The following ZNF449 variants were observed in gnomAD, a reference collection of about 807,000 sequenced individuals.
ZNF449 encodes zinc finger protein 449.
Under a neutral mutation model 32.6 loss-of-function variants are expected in ZNF449, and 4 were observed. The ratio of observed to expected loss-of-function variants is 0.12; its 90% CI spans 0.06 to 0.28. ZNF449 has a LOEUF of 0.28. ZNF449 is among the 10% of genes least tolerant of loss of function. The probability of loss-of-function intolerance (pLI) is 1.00; values close to 1 mark genes in which losing one functional copy is unlikely to be tolerated. For synonymous variants in ZNF449, 123 were observed against 132.2 expected (o/e 0.93, Z 0.48); for missense variants, 275 against 383.2 (o/e 0.72, Z 2.36).
Position 135,360,353 on chromosome X carries a change from G to A in ZNF449, c.834G>A (p.Glu278=), listed in dbSNP as rs782344054. Residue 278 remains glutamate, a synonymous_variant, in exon 5 of 5, where the codon GAG becomes GAA. Coordinates refer to ENST00000339249, the MANE Select transcript of ZNF449 (RefSeq NM_152695.6). ...AAAATCAATGGGAAACCCCCCCAGAGGATTTACAGACAGATTTAGCAAAAC... is the reference window on the plus strand; with the variant it reads ...AAAATCAATGGGAAACCCCCCCAGAAGATTTACAGACAGATTTAGCAAAAC... The part of the protein sequence containing the change: ...QLENQWETPP[E]DLQTDLAKLV... 2 of 1,209,233 alleles carry A rather than the reference G, an allele frequency of 1.7e-6. No homozygotes were observed. Among genetic ancestry groups the A allele is most frequent in the African/African-American group, 3.5e-5 (2 of 57,157 alleles).
intron 1 of ZNF449, among the ~76,000 whole-genome samples, chrX:135,346,523 A>T (rs2084849360): frequency 9.1e-6 from 1 of 109,650 alleles, no homozygotes; most frequent in African/African-American, 3.3e-5. Context: ...GAAACACATG[A>T]CAATTGGAAT....
At chrX:135,354,979 G>A (rs1397716910) in intron 3 of ZNF449, among the ~76,000 whole-genome samples, 1 of 110,855 alleles carries the variant, frequency 9.0e-6, no homozygotes, top group Non-Finnish European at 1.9e-5. Context: ...TGCTCTGTAA[G>A]ATGAGAATAG....
rs1556448716 is a variant in ZNF449 at position 135,347,417 on chromosome X, G to A, written c.299G>A (p.Arg100Lys). Residue 100 changes from arginine (R) to lysine (K), a missense_variant, in exon 2 of 5, where the codon AGA becomes AAA. By Grantham distance (26) the Arg-to-Lys change is conservative. Transcript: ENST00000339249. ...GAGCACTGCCCAGAGAATAGAGAAA[G>A]AGTTGTGTCACTGATAGAAGACTTA... ...VREHCPENRE[R>K]VVSLIEDLQR... The A allele has an allele frequency of 8.2e-7, 1 of 1,212,154 alleles. No homozygotes were observed. Among genetic ancestry groups the A allele is most frequent in the South Asian group, 1.8e-5 (1 of 56,990 alleles).
intron 3 of ZNF449, 22 bp downstream of exon 3, chrX:135,349,336 T>G (rs781784638): frequency 2.5e-5 from 30 of 1,192,972 alleles, no homozygotes; most frequent in Non-Finnish European, 3.4e-5. Context: ...GTTTCTCTCC[T>G]TTCTTTTGTT....
rs2084952488 is a variant in ZNF449, at chrX:135,362,511, T to C, written c.*1435T>C. 2 of 112,381 alleles carry C rather than the reference T, an allele frequency of 1.8e-5. No homozygotes were observed. The highest frequency in any genetic ancestry group is 6.5e-5 in the African/African-American group (2 of 30,992). 9.3% of individuals were successfully genotyped at this position (112,381 alleles called of 1,213,427 possible). ...TCCCAAAGCAAGGGAAGACTTCTCA[T>C]TGTCAGTTAAACCTGTTAAAACATG... On this transcript the variant is annotated 3_prime_UTR_variant, in exon 5 of 5. Transcript: ENST00000339249.
intron 3 of ZNF449, among the ~76,000 whole-genome samples, chrX:135,355,902 A>G (rs1276710035): frequency 8.9e-6 from 1 of 111,804 alleles, no homozygotes. Context: ...TGGATATTTC[A>G]TATAAATGGA....
At chrX:135,356,627 T>G (rs1428649649) in intron 3 of ZNF449, among the ~76,000 whole-genome samples, 1 of 111,558 alleles carries the variant, frequency 9.0e-6, no homozygotes, top group Non-Finnish European at 1.9e-5. Flanking sequence ...ACATAACTTT[T>G]GTTTCTCCCA....
At chrX:135,357,425 C>G (rs1840862479) in intron 3 of ZNF449, among the ~76,000 whole-genome samples, 1 of 110,741 alleles carries the variant, frequency 9.0e-6, no homozygotes, top group Non-Finnish European at 1.9e-5. Context: ...TCCTTGAAAC[C>G]CTTTTCAAAA....
chrX:135,360,110 G>T, intron 4 of ZNF449, 83 bp from the exon 5 acceptor site: 1 of 1,098,178 alleles, frequency 9.1e-7, no homozygotes, highest in Non-Finnish European at 1.2e-6. Flanking sequence ...CCTGCCACTG[G>T]TTTAACATAA....
Position 135,359,978 on chromosome X carries a change from A to G in ZNF449, c.646A>G (p.Met216Val), listed in dbSNP as rs1556452943. The change falls in exon 4 of 5, where the codon ATG becomes GTG. Residue 216 changes from methionine (M) to valine (V), a missense_variant. Physicochemically the swap from Met to Val is conservative, Grantham distance 21. Around this residue, in one of 3 missense-constraint regions of ZNF449, gnomAD observed 165 missense variants for 175.0 expected, o/e 0.94. Coordinates refer to ENST00000339249, the MANE Select transcript of ZNF449 (RefSeq NM_152695.6). Reference protein sequence around the residue: ...WVKELQDSKEMKQLLDSKIGF... With the variant: ...WVKELQDSKEVKQLLDSKIGF... ...GAAGGAATTACAGGATTCTAAAGAA[A>G]TGAAACAATTACTTGATTCCAAGAT... The G allele has an allele frequency of 8.4e-7, 1 of 1,192,900 alleles. No homozygotes were observed. Among genetic ancestry groups the G allele is most frequent in the Non-Finnish European group, 1.1e-6 (1 of 881,794 alleles).
chrX:135,351,658 T>TAAAAAAAAAAAAAAAAAAAAAAAAAAA (rs782046147), intron 3 of ZNF449, among the ~76,000 whole-genome samples: 1 of 49,505 alleles, frequency 2.0e-5, no homozygotes, highest in Non-Finnish European at 3.6e-5. Context: ...TGAGGAATTC[T>TAAAAAAAAAAAAAAAAAAAAAAAAAAA]AAAAAAAAAA....
Position 135,361,193 on chromosome X carries a change from C to T in ZNF449, c.*117C>T. Reference sequence around the variant, plus strand: ...TTTGAGCTTATAAGAACATAGACAGCTTTTTTTTTTACTAGTTTTAAAACC... The same window carrying T: ...TTTGAGCTTATAAGAACATAGACAGTTTTTTTTTTTACTAGTTTTAAAACC... On this transcript the variant is annotated 3_prime_UTR_variant, in exon 5 of 5. Transcript: ENST00000339249. The T allele has an allele frequency of 1.9e-6, 1 of 534,326 alleles. No individual in the cohort carries two copies. The highest frequency in any genetic ancestry group is 2.7e-6 in the Non-Finnish European group (1 of 364,370). 44.0% of individuals were successfully genotyped at this position (534,326 alleles called of 1,213,427 possible). A position where few individuals can be genotyped will look rare whatever the true frequency, so the allele number is the denominator to read the frequency against.
In ZNF449 at chrX:135,360,195, T is replaced by C; in HGVS notation, c.676T>C (p.Phe226Leu). ...GCAGTTTCTATTTCTTCTCTCAGGTTTTGAGATCGGGATAGAAAATGAAGA... is the reference window on the plus strand; with the variant it reads ...GCAGTTTCTATTTCTTCTCTCAGGTCTTGAGATCGGGATAGAAAATGAAGA... ...MKQLLDSKIG[F>L]EIGIENEEDT... is the part of the protein sequence containing the mutation. The change falls in exon 5 of 5, where the codon TTT (phenylalanine) becomes CTT (leucine). Residue 226 changes from phenylalanine (F) to leucine (L), a missense_variant and splice_region_variant. Physicochemically the swap from Phe to Leu is conservative, Grantham distance 22 (BLOSUM62 0). Coordinates refer to ENST00000339249, the MANE Select transcript of ZNF449 (RefSeq NM_152695.6). The C allele has an allele frequency of 1.7e-6, 2 of 1,173,556 alleles. No individual in the cohort carries two copies. The highest frequency in any genetic ancestry group is 4.0e-5 in the South Asian group (2 of 50,629).
rs2084957589 is a variant in ZNF449, at chrX:135,363,390, G to A, written c.*2314G>A. 1.8e-5 allele frequency among the ~76,000 whole-genome samples: 2 copies of A among 111,732 alleles called. No individual in the cohort carries two copies. The highest frequency in any genetic ancestry group is 1.9e-4 in the Admixed American group (2 of 10,533). ...CCTCTCATTTATATCAAATATACTT[G>A]ACTAGATTTTTACAAGTTAGAGAAT... On this transcript the variant is annotated 3_prime_UTR_variant, in exon 5 of 5. Transcript: ENST00000339249.
Position 135,347,084 on chromosome X carries a change from G to C in ZNF449, c.-35G>C, listed in dbSNP as rs782705351. 8.7e-7 allele frequency: 1 copy of C among 1,145,080 alleles called. No individual in the cohort carries two copies. Among genetic ancestry groups the C allele is most frequent in the Non-Finnish European group, 1.2e-6 (1 of 856,489 alleles). The allele number at this position is 1,145,080 out of a possible 1,213,427, so 94.4% of individuals were successfully genotyped here. On this transcript the variant is annotated 5_prime_UTR_variant, in exon 2 of 5. Transcript: ENST00000339249. ...AACAAGTCGGAATCTGAGAAGTGAG[G>C]CTCCAGATAAACTGTAAACTGCTGG...
chrX:135,346,773 G>A (rs1285458935), intron 1 of ZNF449, among the ~76,000 whole-genome samples: 3 of 102,209 alleles, frequency 2.9e-5, no homozygotes, highest in Non-Finnish European at 6.2e-5. Context: ...CGCAATTCTA[G>A]AGGCTTTGAG....
At chrX:135,355,684 A>G (rs1048166845) in intron 3 of ZNF449, among the ~76,000 whole-genome samples, 2 of 111,872 alleles carry the variant, frequency 1.8e-5, no homozygotes, top group African/African-American at 6.5e-5. Flanking sequence ...TTACATTTAC[A>G]TCTTTTTAAA....
intron 3 of ZNF449, among the ~76,000 whole-genome samples, chrX:135,349,688 T>C (rs1381721734): frequency 8.9e-6 from 1 of 112,497 alleles, no homozygotes; most frequent in Admixed American, 9.4e-5. Flanking sequence ...TCAAACTTAA[T>C]ACTTTAGTAA....
rs782573419 is a variant in ZNF449 at position 135,347,820 on chromosome X, T to C, written c.354+348T>C. 4.1e-4 allele frequency: 181 copies of C among 437,608 alleles called. No individual in the cohort carries two copies. The African/African-American group carries it at 4.2e-3, about 10-fold the overall frequency. 36.1% of individuals were successfully genotyped at this position (437,608 alleles called of 1,213,427 possible). ...ACCCTGTTTATCTGTATACTCTGTA[T>C]GTAATGGTTTTTTTATCTTGTTGAA... On this transcript the variant is annotated intron_variant, in intron 2 of 4. Coordinates refer to ENST00000339249, the MANE Select transcript of ZNF449 (RefSeq NM_152695.6).
Sources: allele counts gnomAD v4.1 joint callset (sites outside exome capture counted in the v4.1 genomes callset), GRCh38; gene constraint gnomAD v4.1.1; regional missense constraint gnomAD v4.1.1; transcripts MANE v1.5; gene names NCBI Gene and HGNC (gene_info 2026-07-23, HGNC 2026-07-21).